The following OVCH1 variants were observed in gnomAD, a reference collection of about 807,000 sequenced individuals.
The protein encoded by OVCH1 is ovochymase 1, also known as ovochymase-1.
In OVCH1, 139 loss-of-function variants were observed where a neutral mutation model predicts 138.4. The ratio of observed to expected loss-of-function variants is 1.00; its 90% confidence interval spans 0.87 to 1.16. The LOEUF is 1.16. OVCH1 is among the 50% of genes most tolerant of loss of function. The pLI, the probability that OVCH1 is intolerant of heterozygous loss-of-function variation, is 0.00. For missense variants in OVCH1, 1,367 were observed against 1,357.9 expected, an observed-to-expected ratio of 1.01 and a Z score of -0.11; for synonymous variants, 453 against 467.8, an observed-to-expected ratio of 0.97 and a Z score of 0.41.
At chr12:29,411,417 T>G (rs1373506744), downstream of OVCH1, among the ~76,000 whole-genome samples, 1 of 151,752 alleles carries the variant, frequency 6.6e-6, no homozygotes, top group Non-Finnish European at 1.5e-5. Context: ...CTCTGTTTTT[T>G]CCCCATCTTT....
At chr12:29,431,191 C>CT (rs1231678826) in intron 27 of OVCH1, among the ~76,000 whole-genome samples, 1 of 152,154 alleles carries the variant, frequency 6.6e-6, no homozygotes, top group Non-Finnish European at 1.5e-5. Flanking sequence ...AATTCCAGCA[C>CT]TTTGGGAGTC....
chr12:29,419,017 G>C (rs1941068007), intron 3 of OVCH1, among the ~76,000 whole-genome samples: 1 of 151,852 alleles, frequency 6.6e-6, no homozygotes, highest in Admixed American at 6.6e-5. Flanking sequence ...ACTATGCCCA[G>C]CTAATTTTTT....
intron 3 of OVCH1, among the ~76,000 whole-genome samples, chr12:29,412,932 C>CA (rs550012801): frequency 1.3e-5 from 2 of 152,028 alleles, no homozygotes; most frequent in Non-Finnish European, 2.9e-5. Context: ...ACTGTAGACT[C>CA]TAACTCCTGG....
At chr12:29,464,318 A>C in intron 18 of OVCH1, 189 bp downstream of exon 18, 1 of 681,904 alleles carries the variant, frequency 1.5e-6, no homozygotes, top group Non-Finnish European at 2.5e-6. Flanking sequence ...AATCTAAGTT[A>C]CCCTGAAGGA....
At chr12:29,491,357 T>A (rs552234149) in intron 4 of OVCH1, among the ~76,000 whole-genome samples, 165 bp from the exon 5 acceptor site, 112 of 152,322 alleles carry the variant, frequency 7.4e-4, no homozygotes, top group Non-Finnish European at 1.3e-3. Context: ...TTTGTATTTA[T>A]AGAAATTTTG....
rs1357334997 is a variant in OVCH1 at position 29,413,161 on chromosome 12, A to C, written c.*72-436T>G. 2.6e-5 allele frequency among the ~76,000 whole-genome samples: 4 copies of C among 152,012 alleles called. No homozygotes were observed. In the East Asian group the frequency reaches 7.7e-4, roughly 29 times the overall value. On this transcript the variant is annotated intron_variant and NMD_transcript_variant, in intron 3 of 4. Coordinates refer to the OVCH1 transcript ENST00000539117. ...ATAGGTGTGAGCCCTGCACCTGGCA[A>C]ACATTACTTTTTTAAATGCTGTGAT...
At chr12:29,491,585 A>G (rs894641003) in intron 4 of OVCH1, among the ~76,000 whole-genome samples, 8 of 152,042 alleles carry the variant, frequency 5.3e-5, no homozygotes, top group Admixed American at 3.3e-4. Flanking sequence ...ACTGGCCATG[A>G]GAGGAGCTGT....
rs869216306 is a variant in OVCH1, at chr12:29,485,317, TAAA to T, written c.995+926_995+928del. 0.018 allele frequency among the ~76,000 whole-genome samples: 1,632 copies of T among 89,824 alleles called. 82 individuals carry two copies. In the East Asian group the frequency reaches 0.2, roughly 11 times the overall value. 58.9% of individuals were successfully genotyped at this position (89,824 alleles called of 152,430 possible). A position where few individuals can be genotyped will look rare whatever the true frequency, so the allele number is the denominator to read the frequency against. On this transcript the variant is annotated intron_variant, in intron 8 of 27. Coordinates refer to ENST00000318184, the Ensembl canonical transcript of OVCH1. ...TGGGTGGAGAACAAGACCCAGTCTT[TAAA>T]AAAAAAAAAAAAAAAAAAAAAGATG...
intron 13 of OVCH1, among the ~76,000 whole-genome samples, chr12:29,475,580 A>G (rs945891011): frequency 2.0e-5 from 3 of 152,122 alleles, no homozygotes; most frequent in Admixed American, 2.0e-4. Flanking sequence ...ACCTCACACT[A>G]TACATGCACT....
chr12:29,404,818 C>T, the OVCH1 span, among the ~76,000 whole-genome samples: 2 of 151,822 alleles, frequency 1.3e-5, no homozygotes, highest in South Asian at 2.1e-4. Flanking sequence ...GTCAGAAGTT[C>T]GAGACCAGTC....
chr12:29,460,451 G>A lies in OVCH1; in HGVS notation c.2280+1403C>T, dbSNP rs142932519. ...AGCAGACAGCAGGAGTGCACTTTCC[G>A]TATTCCTCACATCTTCCAGCCCATG... On this transcript the variant is annotated intron_variant, in intron 19 of 27. Transcript: ENST00000318184. Among the ~76,000 whole-genome samples the A allele has an allele frequency of 1.3e-4, 20 of 152,170 alleles. No homozygotes were observed. The East Asian group carries it at 2.1e-3, about 16-fold the overall frequency.
In OVCH1 at chr12:29,477,177, G is replaced by A. The variant is rs367952540; in HGVS notation, c.1302C>T (p.Ala434=). Reference sequence around the variant, plus strand: ...TACTGGGATACAAATCAGGATACTTGGCAGAGTGATTTGTCCCTTCTTCTA... The same window carrying A: ...TACTGGGATACAAATCAGGATACTTAGCAGAGTGATTTGTCCCTTCTTCTA... The change falls in exon 12 of 28, where the codon GCC becomes GCT. Residue 434 remains alanine, a synonymous_variant. Transcript: ENST00000318184. 1.6e-5 allele frequency: 26 copies of A among 1,613,564 alleles called. No homozygotes were observed. The East Asian group carries it at 2.0e-4, about 12-fold the overall frequency.
chr12:29,430,963 C>T (rs898579139), intron 27 of OVCH1: 5 of 512,514 alleles, frequency 9.8e-6, no homozygotes, highest in African/African-American at 5.8e-5. Flanking sequence ...TGCTAAGGCA[C>T]CAAGCAATCT....
chr12:29,439,580 C>T (rs1941435837), intron 25 of OVCH1: 5 of 1,071,120 alleles, frequency 4.7e-6, no homozygotes, highest in Non-Finnish European at 6.2e-6. Context: ...CCTCTCACAC[C>T]AGATGTATGG....
At chr12:29,414,731 A>G (rs886875466) in intron 3 of OVCH1, among the ~76,000 whole-genome samples, 3 of 152,142 alleles carry the variant, frequency 2.0e-5, no homozygotes, top group African/African-American at 7.2e-5. Flanking sequence ...GCAATCCTAG[A>G]CCTGGAAAAA....
rs559641243 is a variant in OVCH1, at chr12:29,443,304, A to G, written c.3157+57T>C. On this transcript the variant is annotated intron_variant, in intron 25 of 27. Transcript: ENST00000318184. Reference sequence around the variant, plus strand: ...CCACATACTGAATATGAAACAATCTAAACATGTTTCATCAGAGAAAAATCA... The same window carrying G: ...CCACATACTGAATATGAAACAATCTGAACATGTTTCATCAGAGAAAAATCA... The G allele has an allele frequency of 4.5e-6, 7 of 1,538,734 alleles. No homozygotes were observed. The East Asian group carries it at 1.6e-4, about 35-fold the overall frequency.
intron 5 of OVCH1, among the ~76,000 whole-genome samples, chr12:29,490,425 C>T (rs1018235138): frequency 6.6e-6 from 1 of 152,002 alleles, no homozygotes; most frequent in African/African-American, 2.4e-5. Flanking sequence ...TGTTGTCAAG[C>T]TTTAGGTATA....
intron 21 of OVCH1, among the ~76,000 whole-genome samples, chr12:29,453,459 C>A (rs950916426): frequency 2.6e-5 from 4 of 152,100 alleles, no homozygotes; most frequent in Non-Finnish European, 5.9e-5. Flanking sequence ...TGACCTCAGC[C>A]ACTTATCCTT....
At chr12:29,433,092 C>G (rs758719135) in intron 27 of OVCH1, among the ~76,000 whole-genome samples, 5 of 152,206 alleles carry the variant, frequency 3.3e-5, no homozygotes, top group Non-Finnish European at 5.9e-5. Flanking sequence ...ATTCCCTTCC[C>G]TGTCCTCCAT....
Sources: gnomAD v4.1 joint callset for allele counts (sites outside exome capture counted in the v4.1 genomes callset) on GRCh38, gnomAD v4.1.1 for gene constraint, MANE v1.5 for transcripts, NCBI Gene and HGNC (gene_info 2026-07-23, HGNC 2026-07-21) for gene names.